Variants in CLXN observed in about 807,000 individuals in gnomAD.
CLXN encodes EF-hand calcium binding domain 1.
chr8:48,730,806 T>C, the CLXN span, among the ~76,000 whole-genome samples: 1 of 152,200 alleles, frequency 6.6e-6, no homozygotes, highest in Non-Finnish European at 1.5e-5. Flanking sequence ...CATAATATCA[T>C]GAAACTCTTT....
the CLXN span, among the ~76,000 whole-genome samples, chr8:48,727,842 A>C: frequency 6.6e-6 from 1 of 152,212 alleles, no homozygotes. Context: ...GAGTGGTGGC[A>C]AACAGATGTG....
At chr8:48,735,254 G>T in the CLXN span, 1 of 1,325,788 alleles carries the variant, frequency 7.5e-7, no homozygotes. Context: ...TCAACGCGGT[G>T]AGGTCTCAGT....
At chr8:48,733,858 G>A in the CLXN span, among the ~76,000 whole-genome samples, 20 of 152,102 alleles carry the variant, frequency 1.3e-4, no homozygotes, top group Admixed American at 1.2e-3. Context: ...AATCAGTATT[G>A]TGTATAGCAG....
chr8:48,717,887 T>C, the CLXN span, among the ~76,000 whole-genome samples: 1 of 152,052 alleles, frequency 6.6e-6, no homozygotes, highest in South Asian at 2.1e-4. Context: ...TACACAAAAA[T>C]ACCCAAAAAC....
the CLXN span, among the ~76,000 whole-genome samples, chr8:48,713,332 C>T: frequency 1.3e-5 from 2 of 152,074 alleles, no homozygotes; most frequent in Non-Finnish European, 2.9e-5. Flanking sequence ...ATGCAATTCC[C>T]AATCCTCCCT....
At chr8:48,717,309 C>T in the CLXN span, among the ~76,000 whole-genome samples, 4 of 152,174 alleles carry the variant, frequency 2.6e-5, no homozygotes, top group African/African-American at 9.6e-5. Context: ...ATATGTAAGG[C>T]AATGTGGATA....
At chr8:48,729,250 G>A in the CLXN span, 4 of 955,750 alleles carry the variant, frequency 4.2e-6, no homozygotes, top group Middle Eastern at 2.6e-4. Flanking sequence ...CTAGGCTGGG[G>A]ATGGTGGCTC....
At chr8:48,726,908 C>T in the CLXN span, among the ~76,000 whole-genome samples, 2 of 103,198 alleles carry the variant, frequency 1.9e-5, no homozygotes, top group Non-Finnish European at 4.3e-5. Context: ...TATCTATCCA[C>T]CCACCCATCC....
the CLXN span, among the ~76,000 whole-genome samples, chr8:48,713,190 T>C: frequency 6.6e-6 from 1 of 152,152 alleles, no homozygotes; most frequent in Non-Finnish European, 1.5e-5. Context: ...CATCAGAAAA[T>C]GCAGATCTAT....
the CLXN span, among the ~76,000 whole-genome samples, chr8:48,720,936 T>C: frequency 1.8e-4 from 27 of 152,172 alleles, no homozygotes; most frequent in Admixed American, 1.7e-3. Flanking sequence ...AGAAAGAATG[T>C]ACATTGAAAT....
the CLXN span, chr8:48,724,936 C>A: frequency 2.3e-5 from 14 of 603,870 alleles, no homozygotes; most frequent in Middle Eastern, 2.9e-4. Flanking sequence ...GGTGTTCAAG[C>A]GTTTCACTCA....
chr8:48,728,660 TACA>T, the CLXN span, among the ~76,000 whole-genome samples: 2 of 152,248 alleles, frequency 1.3e-5, no homozygotes, highest in African/African-American at 4.8e-5. Context: ...GCTTAGTGTT[TACA>T]ACGTTGCCTG....
the CLXN span, among the ~76,000 whole-genome samples, chr8:48,728,119 C>T: frequency 1.6e-3 from 248 of 152,274 alleles, no homozygotes; most frequent in African/African-American, 5.5e-3. Context: ...TCACATCACA[C>T]TGCCTGCCTC....
the CLXN span, among the ~76,000 whole-genome samples, chr8:48,727,136 A>C: frequency 6.6e-5 from 8 of 120,466 alleles, no homozygotes; most frequent in East Asian, 2.5e-4. Context: ...ACACACCCAC[A>C]TCACCCATCC....
the CLXN span, among the ~76,000 whole-genome samples, chr8:48,727,926 G>A: frequency 1.3e-5 from 2 of 152,112 alleles, no homozygotes; most frequent in African/African-American, 4.8e-5. Context: ...AATTAAAGAT[G>A]GCCCCTAGGT....
the CLXN span, among the ~76,000 whole-genome samples, chr8:48,725,806 A>AAAATAAATAAAT: frequency 5.6e-4 from 84 of 149,586 alleles, no homozygotes; most frequent in African/African-American, 1.4e-3. Flanking sequence ...CTCCGTCTCA[A>AAAATAAATAAAT]AAATAAATAA....
the CLXN span, among the ~76,000 whole-genome samples, chr8:48,726,809 T>A: frequency 7.1e-6 from 1 of 140,046 alleles, no homozygotes; most frequent in Non-Finnish European, 1.5e-5. Flanking sequence ...TCATCATCCA[T>A]CCATCCATCC....
chr8:48,734,584 A>G, the CLXN span: 1 of 152,400 alleles, frequency 6.6e-6, no homozygotes, highest in African/African-American at 2.4e-5. Flanking sequence ...TATTGTTCTG[A>G]GGCACAGATG....
chr8:48,714,302 G>A, the CLXN span, among the ~76,000 whole-genome samples: 2 of 152,220 alleles, frequency 1.3e-5, no homozygotes, highest in African/African-American at 4.8e-5. Context: ...TGGTACAGTA[G>A]TGAAATTAAG....
Sources: gnomAD v4.1 joint callset for allele counts (sites outside exome capture counted in the v4.1 genomes callset) on GRCh38, gnomAD v4.1.1 for gene constraint, MANE v1.5 for transcripts, NCBI Gene and HGNC (gene_info 2026-07-23, HGNC 2026-07-21) for gene names.